KLHL4: variants seen among roughly 807,000 people sequenced by gnomAD.
The protein encoded by KLHL4 is kelch-like protein 4.
KLHL4 carries 17 observed loss-of-function variants against 45.8 expected under a neutral mutation model. The ratio of observed to expected loss-of-function variants is 0.37; its 90% CI spans 0.25 to 0.56. KLHL4 has a LOEUF of 0.56. Among genes scored for constraint, KLHL4 ranks in the 20% least tolerant of loss-of-function variants. The pLI is 0.79. For missense variants in KLHL4, 544 were observed against 544.9 expected (o/e 1.00, Z 0.02); for synonymous variants, 224 against 189.9 (o/e 1.18, Z -1.47).
chrX:87,623,091 C>T (rs1007989206), intron 5 of KLHL4, among the ~76,000 whole-genome samples: 1 of 110,976 alleles, frequency 9.0e-6, no homozygotes, highest in Admixed American at 9.6e-5. Context: ...GGATATACTG[C>T]ACATATGCAT....
In KLHL4 at chrX:87,635,766, G is replaced by T. The variant is rs141210751; in HGVS notation, c.1916G>T (p.Cys639Phe). ...AACCATTGCTCCAGGCTTTCTGACT[G>T]TGTGGAACGGTAAGTTTTTTCTATT... ...ASNHCSRLSDCVERYDPKGDS... is the reference protein window; with the variant it reads ...ASNHCSRLSDFVERYDPKGDS... Residue 639 changes from cysteine to phenylalanine, a missense_variant, in exon 9 of 11, where the codon TGT (cysteine) becomes TTT (phenylalanine). Physicochemically the swap from Cys to Phe is radical, Grantham distance 205 (BLOSUM62 -2). Coordinates refer to ENST00000373119, the MANE Select transcript of KLHL4 (RefSeq NM_019117.5). 3 of 1,146,791 alleles carry T rather than the reference G, an allele frequency of 2.6e-6. No individual in the cohort carries two copies. The Admixed American group carries it at 7.5e-5, about 29-fold the overall frequency. The allele number at this position is 1,146,791 out of a possible 1,213,427, so 94.5% of individuals were successfully genotyped here. A position where few individuals can be genotyped will look rare whatever the true frequency, so the allele number is the denominator to read the frequency against.
intron 1 of KLHL4, among the ~76,000 whole-genome samples, chrX:87,528,187 GAGAT>G (rs1324012303): frequency 9.0e-6 from 1 of 111,721 alleles, no homozygotes; most frequent in East Asian, 2.8e-4. Flanking sequence ...ATTCAACAAA[GAGAT>G]AGATATAATG....
intron 7 of KLHL4, among the ~76,000 whole-genome samples, chrX:87,632,787 G>A (rs1326909386): frequency 2.7e-5 from 3 of 111,759 alleles, no homozygotes; most frequent in Non-Finnish European, 5.6e-5. Context: ...CTAGTTAGAT[G>A]AATCATGTGC....
intron 1 of KLHL4, among the ~76,000 whole-genome samples, chrX:87,538,837 C>T (rs775069919): frequency 2.1e-4 from 24 of 111,661 alleles, no homozygotes; most frequent in Non-Finnish European, 3.8e-4. Flanking sequence ...AACAATATCA[C>T]AGACCTCAAA....
At chrX:87,611,231 A>G (rs1922361026) in intron 1 of KLHL4, among the ~76,000 whole-genome samples, 1 of 112,000 alleles carries the variant, frequency 8.9e-6, no homozygotes. Flanking sequence ...AGAAATAACC[A>G]CAAAAATATT....
At chrX:87,610,587 T>A (rs1192680393) in intron 1 of KLHL4, among the ~76,000 whole-genome samples, 1 of 111,791 alleles carries the variant, frequency 8.9e-6, no homozygotes, top group Non-Finnish European at 1.9e-5. Flanking sequence ...TTTAGAATTA[T>A]CAAAATATAA....
At chrX:87,642,027 C>A (rs1300332842) in intron 9 of KLHL4, among the ~76,000 whole-genome samples, 1 of 109,909 alleles carries the variant, frequency 9.1e-6, no homozygotes. Flanking sequence ...CAGTCCCTCT[C>A]CATACTACCA....
intron 1 of KLHL4, among the ~76,000 whole-genome samples, chrX:87,546,351 T>C (rs1401583643): frequency 1.8e-5 from 2 of 111,790 alleles, no homozygotes; most frequent in African/African-American, 3.3e-5. Flanking sequence ...TTTTAGAGGG[T>C]GTAAGCCCCA....
At chrX:87,595,066 A>G (rs1216987228) in intron 1 of KLHL4, among the ~76,000 whole-genome samples, 1 of 108,508 alleles carries the variant, frequency 9.2e-6, no homozygotes, top group Non-Finnish European at 1.9e-5. Flanking sequence ...CACGTGCACA[A>G]CGTGCAGGTT....
chrX:87,524,489 T>TC (rs1287473386), intron 1 of KLHL4, among the ~76,000 whole-genome samples: 1 of 111,131 alleles, frequency 9.0e-6, no homozygotes, highest in Non-Finnish European at 1.9e-5. Context: ...GTTATCTTCC[T>TC]CCCCCATCCC....
chrX:87,645,902 G>A (rs775353725), intron 9 of KLHL4, among the ~76,000 whole-genome samples: 3 of 110,672 alleles, frequency 2.7e-5, no homozygotes, highest in Non-Finnish European at 5.7e-5. Context: ...ACTGGGCAAG[G>A]GAAGAGTAGG....
intron 9 of KLHL4, among the ~76,000 whole-genome samples, chrX:87,659,513 C>T (rs1429648409): frequency 1.8e-5 from 2 of 111,375 alleles, no homozygotes; most frequent in African/African-American, 3.3e-5. Flanking sequence ...TTGAGTCTCT[C>T]ATTGAATCCC....
intron 1 of KLHL4, among the ~76,000 whole-genome samples, chrX:87,569,776 G>A (rs1270681173): frequency 9.0e-6 from 1 of 111,459 alleles, no homozygotes; most frequent in Non-Finnish European, 1.9e-5. Flanking sequence ...ATAGACGAAC[G>A]TAAAGAGACA....
At chrX:87,609,604 G>T (rs945233793) in intron 1 of KLHL4, among the ~76,000 whole-genome samples, 5 of 111,486 alleles carry the variant, frequency 4.5e-5, no homozygotes, top group East Asian at 2.8e-4. Flanking sequence ...TGTTGATGGG[G>T]TTTTTTGTTT....
chrX:87,578,592 T>C (rs1921168522), intron 1 of KLHL4, among the ~76,000 whole-genome samples: 1 of 112,409 alleles, frequency 8.9e-6, no homozygotes, highest in South Asian at 3.7e-4. Context: ...AACAACTGCA[T>C]TGAAATGAAT....
chrX:87,572,846 C>T (rs1443923988), intron 1 of KLHL4, among the ~76,000 whole-genome samples: 1 of 103,231 alleles, frequency 9.7e-6, no homozygotes, highest in African/African-American at 3.5e-5. Context: ...AATGAAAGCA[C>T]ACAAGTTCAT....
chrX:87,608,779 T>C (rs964271746), intron 1 of KLHL4, among the ~76,000 whole-genome samples: 1 of 111,227 alleles, frequency 9.0e-6, no homozygotes, highest in African/African-American at 3.3e-5. Flanking sequence ...TTTTTTATTA[T>C]ACTTTAAGTT....
intron 9 of KLHL4, among the ~76,000 whole-genome samples, chrX:87,646,947 G>A (rs1569361400): frequency 9.0e-6 from 1 of 111,159 alleles, no homozygotes; most frequent in Admixed American, 9.5e-5. Flanking sequence ...AATCAGCAGA[G>A]TAAAAAGATA....
At chrX:87,550,787 A>T (rs1170862888) in intron 1 of KLHL4, among the ~76,000 whole-genome samples, 1 of 111,616 alleles carries the variant, frequency 9.0e-6, no homozygotes, top group East Asian at 2.8e-4. Flanking sequence ...CAGAGAAAGC[A>T]TTCAACAAAA....
Sources: allele counts gnomAD v4.1 joint callset (sites outside exome capture counted in the v4.1 genomes callset), GRCh38; gene constraint gnomAD v4.1.1; transcripts MANE v1.5; gene names NCBI Gene and HGNC (gene_info 2026-07-23, HGNC 2026-07-21).